The following ANO1 variants were observed in gnomAD, a reference collection of about 807,000 sequenced individuals.
ANO1 encodes the protein anoctamin 1.
Under a neutral mutation model 124.0 loss-of-function variants are expected in ANO1, and 59 were observed. The observed-to-expected ratio is 0.48, with a 90% CI of 0.39 to 0.59. The LOEUF is 0.59. Among genes scored for constraint, ANO1 ranks in the 20% least tolerant of loss-of-function variants. ANO1 has a pLI of 0.00. For synonymous variants in ANO1, 529 were observed against 532.0 expected (o/e 0.99, Z 0.08); for missense variants, 1,059 against 1,328.0 (o/e 0.80, Z 3.15).
chr11:70,105,491 G>A (rs928670866), intron 4 of ANO1, among the ~76,000 whole-genome samples: 9 of 152,304 alleles, frequency 5.9e-5, no homozygotes, highest in East Asian at 1.9e-4. Context: ...TGGTCTGACC[G>A]TACTCGCCTC....
intron 1 of ANO1, among the ~76,000 whole-genome samples, chr11:70,030,018 G>A (rs1006398782): frequency 6.6e-6 from 1 of 152,214 alleles, no homozygotes; most frequent in South Asian, 2.1e-4. Context: ...TTTTTGGAGG[G>A]AGGCAAATGG....
At chr11:70,082,986 CAG>C (rs2044248642) in intron 1 of ANO1, among the ~76,000 whole-genome samples, 1 of 152,232 alleles carries the variant, frequency 6.6e-6, no homozygotes, top group Non-Finnish European at 1.5e-5. Flanking sequence ...AAATCAGTGA[CAG>C]AGTCAGGCGC....
At chr11:70,134,573 T>C (rs571136273) in intron 11 of ANO1, among the ~76,000 whole-genome samples, 1 of 152,304 alleles carries the variant, frequency 6.6e-6, no homozygotes, top group African/African-American at 2.4e-5. Flanking sequence ...TCTTACCACA[T>C]TGGAGCATGT....
chr11:70,014,292 TGC>T (rs200678741), intron 1 of ANO1, among the ~76,000 whole-genome samples: 32,735 of 110,710 alleles, frequency 0.3, 4,126 homozygotes, highest in Middle Eastern at 0.4. Flanking sequence ...AAGGACAACG[TGC>T]AGGAGCTCTT....
intron 9 of ANO1, 78 bp from the exon 10 acceptor site, chr11:70,125,983 T>C: frequency 6.7e-7 from 1 of 1,497,436 alleles, no homozygotes; most frequent in Non-Finnish European, 9.0e-7. Context: ...TTGCTCTTGC[T>C]GGGGAGGGCC....
At chr11:70,132,769 G>T (rs1475217168) in intron 11 of ANO1, among the ~76,000 whole-genome samples, 4 of 152,230 alleles carry the variant, frequency 2.6e-5, no homozygotes, top group Non-Finnish European at 4.4e-5. Context: ...GGCCCATTCT[G>T]TCCTCTGCAG....
chr11:70,111,347 T>C (rs2045771766), intron 6 of ANO1, among the ~76,000 whole-genome samples: 1 of 152,230 alleles, frequency 6.6e-6, no homozygotes, highest in South Asian at 2.1e-4. Context: ...TCTGCAGGCT[T>C]GCCCTCGGAC....
intron 19 of ANO1, 76 bp downstream of exon 19, chr11:70,163,416 A>C: frequency 6.5e-7 from 1 of 1,527,756 alleles, no homozygotes; most frequent in Non-Finnish European, 9.0e-7. Context: ...CACTTGGGAG[A>C]AGCAGCTGCA....
chr11:70,055,032 A>AT (rs1237394071), intron 1 of ANO1, among the ~76,000 whole-genome samples: 2 of 152,222 alleles, frequency 1.3e-5, no homozygotes, highest in African/African-American at 2.4e-5. Flanking sequence ...TTAGAAGAGT[A>AT]TCACTTAATT....
chr11:70,185,502 TC>T, intron 24 of ANO1, 87 bp from the exon 25 acceptor site: 1 of 1,250,734 alleles, frequency 8.0e-7, no homozygotes, highest in South Asian at 1.3e-5. Context: ...GCTGAGCCTC[TC>T]CCAGGCGTCC....
intron 22 of ANO1, among the ~76,000 whole-genome samples, chr11:70,172,193 G>A (rs1222090090): frequency 1.3e-5 from 2 of 150,964 alleles, no homozygotes; most frequent in East Asian, 3.9e-4. Flanking sequence ...CAAAAACAGA[G>A]CAGACTTCCT....
chr11:70,123,045 G>A (rs918580524), intron 8 of ANO1, among the ~76,000 whole-genome samples: 1 of 152,108 alleles, frequency 6.6e-6, no homozygotes, highest in African/African-American at 2.4e-5. Context: ...TCACTAACTC[G>A]CATGAGCCCA....
Position 70,126,149 on chromosome 11 carries a change from A to T in ANO1, c.1051A>T (p.Ile351Phe), listed in dbSNP as rs1412777015. 4 of 1,613,610 alleles carry T rather than the reference A, an allele frequency of 2.5e-6. No individual in the cohort carries two copies. The South Asian group carries it at 4.4e-5, about 18-fold the overall frequency. Residue 351 changes from isoleucine to phenylalanine, a missense_variant, in exon 10 of 26, where the codon ATT becomes TTT. Coordinates refer to ENST00000355303, the MANE Select transcript of ANO1 (RefSeq NM_018043.7). ...CATCCCTGCCTCCATCGTGGGAATC[A>T]TTGTCTTCCTGTACGGATGCGCCAC... is the stretch of plus-strand genomic sequence containing the variant. ...MLIPASIVGI[I>F]VFLYGCATMD...
chr11:70,154,460 C>CTTTTTTTTTTTTTTT (rs35077245), intron 14 of ANO1, among the ~76,000 whole-genome samples: 1 of 84,262 alleles, frequency 1.2e-5, no homozygotes, highest in Non-Finnish European at 2.2e-5. Flanking sequence ...GGAAGTATGT[C>CTTTTTTTTTTTTTTT]TTTTTTTTTT....
At chr11:70,108,286 C>A in intron 5 of ANO1, 67 bp from the exon 6 acceptor site, 2 of 1,514,348 alleles carry the variant, frequency 1.3e-6, no homozygotes, top group South Asian at 1.2e-5. Flanking sequence ...CCAGCCACAG[C>A]AGACTGTTTC....
chr11:70,045,229 G>A (rs1555005453), intron 1 of ANO1, among the ~76,000 whole-genome samples: 3 of 151,984 alleles, frequency 2.0e-5, no homozygotes, highest in South Asian at 4.1e-4. Flanking sequence ...TATATGTTTG[G>A]GATTATATCA....
intron 2 of ANO1, among the ~76,000 whole-genome samples, chr11:70,088,820 A>G (rs79032853): frequency 0.12 from 17,702 of 152,146 alleles, 1,205 homozygotes; most frequent in Admixed American, 0.19. Flanking sequence ...GTAGAGTGAG[A>G]TGTGGGTCCA....
intron 1 of ANO1, among the ~76,000 whole-genome samples, chr11:70,082,172 A>G (rs2044220563): frequency 6.6e-6 from 1 of 152,236 alleles, no homozygotes. Flanking sequence ...AGCCAGCCAC[A>G]GTATACAAGA....
chr11:70,088,270 G>A (rs796417335), intron 2 of ANO1, among the ~76,000 whole-genome samples, 186 bp downstream of exon 2: 13 of 152,214 alleles, frequency 8.5e-5, no homozygotes, highest in African/African-American at 1.4e-4. Context: ...CCAGCACTTC[G>A]GGAGGCTGAG....
Sources: allele counts gnomAD v4.1 joint callset (sites outside exome capture counted in the v4.1 genomes callset), GRCh38; gene constraint gnomAD v4.1.1; transcripts MANE v1.5; gene names NCBI Gene and HGNC (gene_info 2026-07-23, HGNC 2026-07-21).